The following L3HYPDH variants were observed in gnomAD, a reference collection of about 807,000 sequenced individuals.
L3HYPDH encodes trans-L-3-hydroxyproline dehydratase, also known as trans-3-hydroxy-L-proline dehydratase.
In L3HYPDH, 32 loss-of-function variants were observed where a neutral mutation model predicts 26.5. The observed-to-expected ratio is 1.21, with a 90% CI of 0.91 to 1.62. The LOEUF is 1.62. Ranked by LOEUF, L3HYPDH falls within the 40% of genes most tolerant of loss-of-function variation. The probability of loss-of-function intolerance (pLI) is 0.00; values close to 1 mark genes in which losing one functional copy is unlikely to be tolerated. For missense variants in L3HYPDH, 554 were observed against 476.4 expected (o/e 1.16, Z -1.52); for synonymous variants, 215 against 196.6 (o/e 1.09, Z -0.78).
chr14:59,468,283 T>G (rs1028142792), downstream of L3HYPDH, among the ~76,000 whole-genome samples: 2 of 152,216 alleles, frequency 1.3e-5, no homozygotes, highest in African/African-American at 4.8e-5. Flanking sequence ...CAATCCTTAA[T>G]ATTTCCTACA....
At chr14:59,494,991 G>C in the L3HYPDH span, 1 of 1,545,158 alleles carries the variant, frequency 6.5e-7, no homozygotes, top group African/African-American at 1.4e-5. Context: ...AATTTTTCTA[G>C]TAATCATGCC....
the L3HYPDH span, among the ~76,000 whole-genome samples, chr14:59,496,879 T>G: frequency 6.6e-6 from 1 of 152,220 alleles, no homozygotes; most frequent in African/African-American, 2.4e-5. Flanking sequence ...TTATATAGTA[T>G]CTTATAGCAT....
In L3HYPDH at chr14:59,484,238, T is replaced by G; in HGVS notation, c.79A>C (p.Thr27Pro). ...TPVLSVVDMH[T>P]GGEPLRIVLA... ...ACGATACGCAAGGGCTCGCCGCCCG[T>G]GTGCATGTCCACCACCGACAGCACC... The change falls in exon 1 of 5, where the codon ACG becomes CCG. Residue 27 changes from threonine (T) to proline (P), a missense_variant. Physicochemically the swap from Thr to Pro is conservative, Grantham distance 38. Coordinates refer to ENST00000247194, the MANE Select transcript of L3HYPDH (RefSeq NM_144581.2). The G allele has an allele frequency of 6.3e-7, 1 of 1,598,240 alleles. No homozygotes were observed. The highest frequency in any genetic ancestry group is 8.5e-7 in the Non-Finnish European group (1 of 1,179,688).
the L3HYPDH span, chr14:59,504,192 A>G: frequency 4.6e-6 from 3 of 658,202 alleles, no homozygotes; most frequent in East Asian, 8.1e-5. Context: ...AGTATATCTT[A>G]ATGTTTGGGT....
chr14:59,478,138 C>T lies in L3HYPDH; in HGVS notation c.678+1044G>A, dbSNP rs181971092. Among the ~76,000 whole-genome samples the T allele has an allele frequency of 4.5e-3, 690 of 152,270 alleles. 4 individuals carry two copies. The highest frequency in any genetic ancestry group is 0.024 in the Middle Eastern group (7 of 292). On this transcript the variant is annotated intron_variant, in intron 2 of 4. Coordinates refer to ENST00000247194, the MANE Select transcript of L3HYPDH (RefSeq NM_144581.2). ...AAAAGGCTTAAATCTATTCTGTACA[C>T]TATATTTTACATTTATTATTTTCAA... is the stretch of plus-strand genomic sequence containing the variant.
chr14:59,468,580 C>T (rs1889247587), downstream of L3HYPDH, among the ~76,000 whole-genome samples: 1 of 152,172 alleles, frequency 6.6e-6, no homozygotes, highest in Admixed American at 6.5e-5. Flanking sequence ...TCACAGCACT[C>T]TGTATTTTCC....
the L3HYPDH span, chr14:59,495,009 C>A: frequency 6.2e-7 from 1 of 1,607,570 alleles, no homozygotes; most frequent in Non-Finnish European, 8.5e-7. Flanking sequence ...GCCTCTTTTC[C>A]TTCTCTAGTT....
downstream of L3HYPDH, among the ~76,000 whole-genome samples, chr14:59,468,605 C>A (rs866865354): frequency 1.3e-4 from 20 of 152,186 alleles, no homozygotes; most frequent in African/African-American, 4.6e-4. Flanking sequence ...TAGCACATAA[C>A]CATGGTCTAT....
At chr14:59,466,537 T>G (rs1329679049) in intron 1 of L3HYPDH, among the ~76,000 whole-genome samples, 2 of 152,178 alleles carry the variant, frequency 1.3e-5, no homozygotes, top group Non-Finnish European at 2.9e-5. Context: ...CTGAAACTCC[T>G]GTGGTGGGGC....
chr14:59,491,040 T>C, the L3HYPDH span, among the ~76,000 whole-genome samples: 2 of 152,116 alleles, frequency 1.3e-5, no homozygotes, highest in South Asian at 4.1e-4. Context: ...GCCTAGGAAA[T>C]TGGTAACAAG....
At chr14:59,475,736 A>G (rs1359922796) in intron 4 of L3HYPDH, 133 bp downstream of exon 4, 1 of 979,698 alleles carries the variant, frequency 1.0e-6, no homozygotes, top group African/African-American at 1.6e-5. Context: ...CTAGTTGAAA[A>G]GAAGTTTTTA....
In L3HYPDH at chr14:59,473,050, AC is replaced by A. The variant is rs751698273; in HGVS notation, c.979del (p.Val327TyrfsTer14). The part of the protein sequence containing the change: ...CGDFKAVIVE[V>X]SGQAHYTGTA... ...ACCCGTGTAATGGGCTTGTCCTGAT[AC>A]TTCCACTATAACAGCTTTAAAATCA... is the stretch of plus-strand genomic sequence containing the variant. On this transcript the variant is annotated frameshift_variant, in exon 5 of 5. Transcript: ENST00000247194. LOFTEE classifies it high-confidence loss of function. 13 of 1,607,474 alleles carry A rather than the reference AC, an allele frequency of 8.1e-6. No individual in the cohort carries two copies. The African/African-American group carries it at 1.8e-4, about 22-fold the overall frequency.
At chr14:59,482,009 T>A (rs1032359020) in intron 1 of L3HYPDH, among the ~76,000 whole-genome samples, 3 of 152,248 alleles carry the variant, frequency 2.0e-5, no homozygotes, top group Admixed American at 2.0e-4. Flanking sequence ...TCAATCAGCA[T>A]ATTCTTCTCC....
At chr14:59,488,859 CAG>C (rs1215314667), upstream of L3HYPDH, among the ~76,000 whole-genome samples, 4 of 152,188 alleles carry the variant, frequency 2.6e-5, no homozygotes, top group Non-Finnish European at 4.4e-5. Flanking sequence ...AAAAGTCACT[CAG>C]AAAGTTGAGT....
the L3HYPDH span, among the ~76,000 whole-genome samples, chr14:59,490,453 T>C: frequency 2.6e-5 from 4 of 152,136 alleles, no homozygotes; most frequent in Non-Finnish European, 5.9e-5. Context: ...GAAGGTCTGG[T>C]GTATGGAAGT....
chr14:59,496,143 TG>T, the L3HYPDH span, among the ~76,000 whole-genome samples: 1 of 152,176 alleles, frequency 6.6e-6, no homozygotes, highest in Non-Finnish European at 1.5e-5. Context: ...TGGCCTTAAG[TG>T]ATCTACCCAC....
the L3HYPDH span, among the ~76,000 whole-genome samples, chr14:59,496,045 A>C: frequency 6.6e-6 from 1 of 152,194 alleles, no homozygotes; most frequent in East Asian, 1.9e-4. Flanking sequence ...CTGGGATTAC[A>C]GGCATGTGCC....
chr14:59,471,960 T>TA (rs1177450654), downstream of L3HYPDH, among the ~76,000 whole-genome samples: 7 of 152,196 alleles, frequency 4.6e-5, no homozygotes, highest in Admixed American at 4.6e-4. Flanking sequence ...TTTGTTCAGG[T>TA]AATTAAATCA....
At chr14:59,502,755 T>TGTTTTTTTTCCTTTGTTTTTG in the L3HYPDH span, among the ~76,000 whole-genome samples, 2 of 122,918 alleles carry the variant, frequency 1.6e-5, no homozygotes, top group Non-Finnish European at 3.3e-5. Flanking sequence ...ATGAGATTTT[T>TGTTTTTTTTCCTTTGTTTTTG]TTTTTTTTTT....
Sources: allele counts gnomAD v4.1 joint callset (sites outside exome capture counted in the v4.1 genomes callset), GRCh38; gene constraint gnomAD v4.1.1; transcripts MANE v1.5; gene names NCBI Gene and HGNC (gene_info 2026-07-23, HGNC 2026-07-21).